CRB2: variants seen among roughly 807,000 people sequenced by gnomAD.
CRB2 encodes the protein protein crumbs homolog 2.
In CRB2, 85 loss-of-function variants were observed where a neutral mutation model predicts 110.9. The observed-to-expected ratio is 0.77, with a 90% CI of 0.64 to 0.92. The LOEUF (loss-of-function observed/expected upper bound fraction) is 0.92. Ranked by LOEUF, CRB2 falls within the 40% of genes least tolerant of loss-of-function variation. The probability of loss-of-function intolerance (pLI) is 0.00; values close to 1 mark genes in which losing one functional copy is unlikely to be tolerated. For synonymous variants in CRB2, 907 were observed against 831.0 expected (o/e 1.09, Z -1.57); for missense variants, 1,843 against 1,851.3 (o/e 1.00, Z 0.08).
At chr9:123,379,052 A>G (rs1342485408), downstream of CRB2, among the ~76,000 whole-genome samples, 1 of 151,514 alleles carries the variant, frequency 6.6e-6, no homozygotes, top group Admixed American at 6.6e-5. Flanking sequence ...CGGCCTCCCA[A>G]AATGTTGGGA....
At chr9:123,378,826 T>TTTTTTTTC (rs2042153494), downstream of CRB2, 1 of 123,090 alleles carries the variant, frequency 8.1e-6, no homozygotes, top group Non-Finnish European at 1.7e-5. Flanking sequence ...TTTTTTTTTT[T>TTTTTTTTC]TTTTTTGAGA....
intron 4 of CRB2, 136 bp downstream of exon 4, chr9:123,366,502 C>A: frequency 9.0e-7 from 1 of 1,112,052 alleles, no homozygotes; most frequent in Non-Finnish European, 1.2e-6. Context: ...TGTGTGATTG[C>A]AACCTGTCGG....
rs746742167 is a variant in CRB2 at position 123,373,667 on chromosome 9, G to A, written c.3136G>A (p.Gly1046Arg). 6 of 1,441,856 alleles carry A rather than the reference G, an allele frequency of 4.2e-6. No individual in the cohort carries two copies. Among genetic ancestry groups the A allele is most frequent in the Non-Finnish European group, 5.4e-6 (6 of 1,105,872 alleles). 89.3% of individuals were successfully genotyped at this position (1,441,856 alleles called of 1,614,324 possible). Residue 1046 changes from glycine to arginine, a missense_variant, in exon 10 of 13, where the codon GGG (glycine) becomes AGG (arginine). Transcript: ENST00000373631. ...CCGAGAGCACTTCGCGTCTTGGCCTGGGACGCCGGCCCCGATCCTCGGCTG... is the reference window on the plus strand; with the variant it reads ...CCGAGAGCACTTCGCGTCTTGGCCTAGGACGCCGGCCCCGATCCTCGGCTG... ...GAREHFASWP[G>R]TPAPILGCRG...
chr9:123,362,358 G>A (rs1156836481), intron 1 of CRB2, among the ~76,000 whole-genome samples: 1 of 152,114 alleles, frequency 6.6e-6, no homozygotes, highest in African/African-American at 2.4e-5. Context: ...GGATGGATGG[G>A]GCCTGCAGGA....
In CRB2 at chr9:123,371,593, G is replaced by T; in HGVS notation, c.2436+15G>T. 4 of 1,611,352 alleles carry T rather than the reference G, an allele frequency of 2.5e-6. No homozygotes were observed. The highest frequency in any genetic ancestry group is 3.4e-6 in the Non-Finnish European group (4 of 1,179,934). ...ACATGTGCAGTGTAAGTGTCTGGTG[G>T]CGGTGGTGGTGGTGGGGTGGGGAGT... On this transcript the variant is annotated intron_variant, in intron 8 of 12. Coordinates refer to ENST00000373631, the MANE Select transcript of CRB2 (RefSeq NM_173689.7).
intron 1 of CRB2, among the ~76,000 whole-genome samples, chr9:123,359,247 C>T (rs1007109016): frequency 1.3e-5 from 2 of 151,972 alleles, no homozygotes; most frequent in Non-Finnish European, 2.9e-5. Context: ...GGTTATTCAG[C>T]CCTACCCTTG....
In CRB2 at chr9:123,370,870, G is replaced by A. The variant is rs149901147; in HGVS notation, c.1817G>A (p.Arg606Gln). The A allele has an allele frequency of 3.9e-4, 625 of 1,611,042 alleles. No individual in the cohort carries two copies. Among genetic ancestry groups the A allele is most frequent in the African/African-American group, 7.7e-4 (58 of 75,040 alleles). ...AACGTCCTCCTGGGCTGTGAGCGCC[G>A]AGAGCAGTGCCGGCCTCTGCCTTGT... ...GENVLLGCERREQCRPLPCVH... is the reference protein window; with the variant it reads ...GENVLLGCERQEQCRPLPCVH... Residue 606 changes from arginine to glutamine, a missense_variant, in exon 7 of 13, where the codon CGA becomes CAA. Arg to Gln is a conservative substitution (Grantham distance 43). Transcript: ENST00000373631.
intron 1 of CRB2, among the ~76,000 whole-genome samples, chr9:123,361,865 T>C (rs10985988): frequency 0.47 from 71,751 of 151,968 alleles, 17,343 homozygotes; most frequent in Admixed American, 0.52. Context: ...ACTTCAAAGC[T>C]CAAGTTCTCA....
intron 6 of CRB2, chr9:123,369,034 G>T: frequency 2.0e-6 from 2 of 1,015,144 alleles, no homozygotes; most frequent in Non-Finnish European, 2.5e-6. Flanking sequence ...GCTGATCGAG[G>T]CTGGGCTTCA....
rs551070161 is a variant in CRB2, at chr9:123,361,143, G to T, written c.95-1722G>T. Among the ~76,000 whole-genome samples, 232 of 149,652 alleles carry T rather than the reference G, an allele frequency of 1.6e-3. 5 individuals are homozygous for T. Among genetic ancestry groups the T allele is most frequent in the African/African-American group, 5.3e-3 (213 of 40,458 alleles). ...TCAGATTGGATGGGCGGGGAGGGGGGGGGGTTCCTTGCACTGCACAGGTGA... is the reference window on the plus strand; with the variant it reads ...TCAGATTGGATGGGCGGGGAGGGGGTGGGGTTCCTTGCACTGCACAGGTGA... On this transcript the variant is annotated intron_variant, in intron 1 of 12. Transcript: ENST00000373631.
chr9:123,372,337 TTGTG>T lies in CRB2; in HGVS notation c.2602_2602+3del. The T allele has an allele frequency of 6.3e-7, 1 of 1,595,438 alleles. No individual in the cohort carries two copies. Among genetic ancestry groups the T allele is most frequent in the Non-Finnish European group, 8.5e-7 (1 of 1,170,454 alleles). ...ACGTGTGAGGAGGTCCCTGATGGCT[TTGTG>T]TGTGAGTGTGTGTCCTGGGCAGCTC... On this transcript the variant is annotated frameshift_variant and splice_region_variant, in exon 9 of 13. Coordinates refer to ENST00000373631, the MANE Select transcript of CRB2 (RefSeq NM_173689.7). LOFTEE classifies it high-confidence loss of function.
Position 123,366,113 on chromosome 9 carries a change from G to T in CRB2, c.614+1G>T. 3 of 1,450,558 alleles carry T rather than the reference G, an allele frequency of 2.1e-6. No individual in the cohort carries two copies. The highest frequency in any genetic ancestry group is 2.7e-6 in the Non-Finnish European group (3 of 1,108,248). The allele number at this position is 1,450,558 out of a possible 1,614,324, so 89.9% of individuals were successfully genotyped here. On this transcript the variant is annotated splice_donor_variant, in intron 3 of 12. Transcript: ENST00000373631. LOFTEE classifies it high-confidence loss of function. ...GCACGTGCCACGACCTGGTCAACGG[G>T]TGAGCGAGCGGCGGGGCAGGCGGCA...
Position 123,373,492 on chromosome 9 carries a change from C to T in CRB2, c.2961C>T (p.Arg987=), listed in dbSNP as rs760240136. 66 of 1,453,476 alleles carry T rather than the reference C, an allele frequency of 4.5e-5. No homozygotes were observed. The Admixed American group carries it at 1.8e-3, about 40-fold the overall frequency. The allele number at this position is 1,453,476 out of a possible 1,614,324, so 90.0% of individuals were successfully genotyped here. Residue 987 remains arginine, a synonymous_variant, in exon 10 of 13, where the codon CGC becomes CGT. Coordinates refer to ENST00000373631, the MANE Select transcript of CRB2 (RefSeq NM_173689.7). Reference sequence around the variant, plus strand: ...GTGCCGCCACCCCGGTGGCGCTGCGCGGCCTGGCCAGTGACCTGGGCTTCC... The same window carrying T: ...GTGCCGCCACCCCGGTGGCGCTGCGTGGCCTGGCCAGTGACCTGGGCTTCC... ...LDGAATPVAL[R]GLASDLGFLQ...
At chr9:123,357,303 G>C (rs1410443037) in intron 1 of CRB2, among the ~76,000 whole-genome samples, 1 of 152,062 alleles carries the variant, frequency 6.6e-6, no homozygotes, top group African/African-American at 2.4e-5. Context: ...GGCCGGGCCT[G>C]GGAAGTCCCC....
intron 6 of CRB2, among the ~76,000 whole-genome samples, chr9:123,368,165 C>T (rs576235390): frequency 2.0e-5 from 3 of 152,236 alleles, no homozygotes; most frequent in African/African-American, 7.2e-5. Flanking sequence ...CAACACTGAA[C>T]GTCCCTGCCC....
intron 6 of CRB2, among the ~76,000 whole-genome samples, chr9:123,369,543 GCAGA>G (rs776920365): frequency 9.2e-5 from 14 of 152,076 alleles, no homozygotes; most frequent in African/African-American, 3.4e-4. Flanking sequence ...GGCATTCCAA[GCAGA>G]CAGAACAGTA....
Position 123,371,155 on chromosome 9 carries a change from A to C in CRB2, c.2013A>C (p.Thr671=), listed in dbSNP as rs758850234. 1.2e-6 allele frequency: 2 copies of C among 1,613,686 alleles called. No individual in the cohort carries two copies. The highest frequency in any genetic ancestry group is 1.7e-6 in the Non-Finnish European group (2 of 1,180,012). ...AAGAGCTGCCAGGTCCCAACCTCAC[A>C]GTGTCTTTCCTTCTCCGCACTCGGG... The part of the protein sequence containing the change: ...LLQELPGPNL[T]VSFLLRTRES... The change falls in exon 8 of 13, where the codon ACA becomes ACC. Residue 671 remains threonine, a synonymous_variant. Transcript: ENST00000373631.
intron 6 of CRB2, among the ~76,000 whole-genome samples, chr9:123,368,051 G>A (rs1249939713): frequency 3.3e-5 from 5 of 152,080 alleles, no homozygotes; most frequent in African/African-American, 1.2e-4. Context: ...TTGGGGAGCT[G>A]GGGCCTGTCA....
In CRB2 at chr9:123,360,405, C is replaced by G. The variant is rs1435631971; in HGVS notation, c.95-2460C>G. On this transcript the variant is annotated intron_variant, in intron 1 of 12. Coordinates refer to ENST00000373631, the MANE Select transcript of CRB2 (RefSeq NM_173689.7). The stretch of plus-strand genomic sequence containing the variant: ...CTGGCAACAGGCCCCGCCCCTCCAG[C>G]CTGGCCCGGGAAGGGGGGACAGCCC... Among the ~76,000 whole-genome samples the G allele has an allele frequency of 2.6e-5, 4 of 152,186 alleles. No homozygotes were observed. The East Asian group carries it at 7.7e-4, about 29-fold the overall frequency.
Sources: allele counts gnomAD v4.1 joint callset (sites outside exome capture counted in the v4.1 genomes callset), GRCh38; gene constraint gnomAD v4.1.1; transcripts MANE v1.5; gene names NCBI Gene and HGNC (gene_info 2026-07-23, HGNC 2026-07-21).